Variants in CPA6 observed in about 807,000 individuals in gnomAD.
CPA6 encodes the protein carboxypeptidase A6, also known as carboxypeptidase B.
CPA6 carries 58 observed loss-of-function variants against 63.3 expected under a neutral mutation model. That is an observed-to-expected ratio of 0.92 (90% CI 0.74 to 1.14). CPA6 has a LOEUF of 1.14. CPA6 is among the 50% of genes most tolerant of loss of function. The probability of loss-of-function intolerance (pLI) is 0.00; values close to 1 mark genes in which losing one functional copy is unlikely to be tolerated. For missense variants in CPA6, 565 were observed against 526.6 expected (o/e 1.07, Z -0.71); for synonymous variants, 185 against 179.0 (o/e 1.03, Z -0.27).
At chr8:67,426,211 C>T (rs1394458078) in intron 10 of CPA6, among the ~76,000 whole-genome samples, 1 of 152,192 alleles carries the variant, frequency 6.6e-6, no homozygotes, top group Non-Finnish European at 1.5e-5. Context: ...TCAGATGATC[C>T]ACCCGCTTTG....
At chr8:67,557,529 T>C (rs1030832884) in intron 2 of CPA6, among the ~76,000 whole-genome samples, 1 of 152,184 alleles carries the variant, frequency 6.6e-6, no homozygotes, top group Non-Finnish European at 1.5e-5. Context: ...TTACCCAATC[T>C]GAACCAGCAA....
chr8:67,462,184 G>C (rs763300770), intron 8 of CPA6, among the ~76,000 whole-genome samples: 1 of 151,518 alleles, frequency 6.6e-6, no homozygotes, highest in South Asian at 2.1e-4. Context: ...GGGATATTCT[G>C]TGTTTTTAAG....
intron 1 of CPA6, among the ~76,000 whole-genome samples, chr8:67,653,384 T>C (rs956930334): frequency 1.3e-5 from 2 of 152,148 alleles, no homozygotes; most frequent in Non-Finnish European, 2.9e-5. Context: ...GCATGGAATG[T>C]TCTTCCATTT....
intron 8 of CPA6, among the ~76,000 whole-genome samples, chr8:67,444,817 T>G (rs1810377222): frequency 6.6e-6 from 1 of 151,178 alleles, no homozygotes; most frequent in African/African-American, 2.4e-5. Context: ...ATAAAAAGCT[T>G]CAAACTGTGG....
intron 1 of CPA6, among the ~76,000 whole-genome samples, chr8:67,640,629 G>T (rs1004019713): frequency 2.0e-5 from 3 of 151,390 alleles, no homozygotes; most frequent in Non-Finnish European, 1.5e-5. Context: ...GCTCCCAGGA[G>T]CGCAGGGGTG....
intron 1 of CPA6, among the ~76,000 whole-genome samples, chr8:67,714,371 C>A (rs1817334595): frequency 6.6e-6 from 1 of 152,130 alleles, no homozygotes; most frequent in Admixed American, 6.5e-5. Context: ...TGATGATTCC[C>A]CAAAGATCTT....
chr8:67,446,361 G>A (rs77125611), intron 8 of CPA6, among the ~76,000 whole-genome samples: 2,503 of 151,056 alleles, frequency 0.017, 71 homozygotes, highest in African/African-American at 0.056. Flanking sequence ...TCGATATCTC[G>A]TCCAGGCTGG....
In CPA6 at chr8:67,518,016, T is replaced by C. The variant is rs111479505; in HGVS notation, c.224A>G (p.Tyr75Cys). Residue 75 changes from tyrosine to cysteine, a missense_variant, in exon 3 of 11, where the codon TAT becomes TGT. Tyr to Cys is a radical substitution (Grantham distance 194). Transcript: ENST00000297770. ...VDLWQPSSISYVSEGTVTDVH... is the reference protein window; with the variant it reads ...VDLWQPSSISCVSEGTVTDVH... ...ATCAGTAACTGTTCCCTCTGATACA[T>C]AGGAGATACTGCTGGGCTGCCACAG... is the stretch of plus-strand genomic sequence containing the variant. 5.6e-6 allele frequency: 9 copies of C among 1,610,214 alleles called. No individual in the cohort carries two copies. In the African/African-American group the frequency reaches 6.7e-5, roughly 12 times the overall value.
chr8:67,741,975 A>T (rs1414282269), intron 1 of CPA6, among the ~76,000 whole-genome samples: 1 of 152,182 alleles, frequency 6.6e-6, no homozygotes, highest in East Asian at 1.9e-4. Context: ...TACACATTGT[A>T]TAGTAATTTG....
At chr8:67,695,017 G>A (rs531349288) in intron 1 of CPA6, among the ~76,000 whole-genome samples, 46 of 152,116 alleles carry the variant, frequency 3.0e-4, no homozygotes, top group African/African-American at 9.4e-4. Context: ...AGACCTCTCT[G>A]AATGGGCAAA....
intron 2 of CPA6, among the ~76,000 whole-genome samples, chr8:67,536,459 T>C (rs1019115561): frequency 3.3e-5 from 5 of 152,212 alleles, no homozygotes; most frequent in African/African-American, 1.2e-4. Context: ...TTTGTAGCAA[T>C]TGTGAATGGG....
At chr8:67,642,793 T>TCTCACACACACACA (rs369938715) in intron 1 of CPA6, among the ~76,000 whole-genome samples, 1 of 145,074 alleles carries the variant, frequency 6.9e-6, no homozygotes, top group Admixed American at 6.9e-5. Flanking sequence ...GGCCTTTATC[T>TCTCACACACACACA]CACACACACA....
chr8:67,595,907 T>G (rs1814319616), intron 2 of CPA6, among the ~76,000 whole-genome samples: 1 of 152,202 alleles, frequency 6.6e-6, no homozygotes, highest in Non-Finnish European at 1.5e-5. Context: ...GCGCCCACTG[T>G]CTGGCACTCC....
chr8:67,695,385 C>A lies in CPA6; in HGVS notation c.116+50629G>T, dbSNP rs185939306. Reference sequence around the variant, plus strand: ...CATTCCCTAGGATGACCAGCCAGCTCCCTGGTGGCAAGTTGATTATACTGG... The same window carrying A: ...CATTCCCTAGGATGACCAGCCAGCTACCTGGTGGCAAGTTGATTATACTGG... On this transcript the variant is annotated intron_variant, in intron 1 of 10. Coordinates refer to ENST00000297770, the MANE Select transcript of CPA6 (RefSeq NM_020361.5). Among the ~76,000 whole-genome samples the A allele has an allele frequency of 1.2e-3, 189 of 152,268 alleles. 4 individuals are homozygous for A. The highest frequency in any genetic ancestry group is 0.01 in the Admixed American group (160 of 15,300).
At chr8:67,703,925 CTTTTT>C (rs369528450) in intron 1 of CPA6, among the ~76,000 whole-genome samples, 2 of 148,578 alleles carry the variant, frequency 1.3e-5, no homozygotes, top group Non-Finnish European at 3.0e-5. Context: ...TTACATGCTG[CTTTTT>C]TTTTGTTGTT....
At chr8:67,533,369 G>T (rs574783083) in intron 2 of CPA6, among the ~76,000 whole-genome samples, 7 of 152,284 alleles carry the variant, frequency 4.6e-5, no homozygotes, top group Admixed American at 1.3e-4. Context: ...CACATGTTCA[G>T]CTGATTAAGA....
chr8:67,709,148 C>T (rs1343050684), intron 1 of CPA6, among the ~76,000 whole-genome samples: 1 of 152,146 alleles, frequency 6.6e-6, no homozygotes, highest in Non-Finnish European at 1.5e-5. Context: ...ATGAGCACAA[C>T]CTCAGTAAGC....
intron 1 of CPA6, among the ~76,000 whole-genome samples, chr8:67,646,678 T>C (rs1440228388): frequency 6.6e-6 from 1 of 152,216 alleles, no homozygotes; most frequent in Non-Finnish European, 1.5e-5. Flanking sequence ...GATGTGCTAA[T>C]TCAAATTGGG....
chr8:67,654,975 A>G (rs80257016), intron 1 of CPA6, among the ~76,000 whole-genome samples: 31,363 of 152,124 alleles, frequency 0.21, 3,434 homozygotes, highest in Middle Eastern at 0.31. Context: ...TAAGACACAG[A>G]TAATGCTGCC....
Sources: gnomAD v4.1 joint callset for allele counts (sites outside exome capture counted in the v4.1 genomes callset) on GRCh38, gnomAD v4.1.1 for gene constraint, MANE v1.5 for transcripts, NCBI Gene and HGNC (gene_info 2026-07-23, HGNC 2026-07-21) for gene names.